Variants in MIA2 observed in about 807,000 individuals in gnomAD.
The protein encoded by MIA2 is melanoma inhibitory activity protein 2.
In MIA2, 127 loss-of-function variants were observed where a neutral mutation model predicts 167.8. The observed-to-expected ratio is 0.76, with a 90% CI of 0.66 to 0.88. The LOEUF is 0.88. Among genes scored for constraint, MIA2 ranks in the 40% least tolerant of loss-of-function variants. The probability of loss-of-function intolerance (pLI) is 0.00; values close to 1 mark genes in which losing one functional copy is unlikely to be tolerated. For synonymous variants in MIA2, 552 were observed against 541.9 expected (o/e 1.02, Z -0.26); for missense variants, 1,690 against 1,624.7 (o/e 1.04, Z -0.69).
At chr14:39,274,719 C>T (rs945280974) in intron 6 of MIA2, among the ~76,000 whole-genome samples, 2 of 151,624 alleles carry the variant, frequency 1.3e-5, no homozygotes, top group South Asian at 2.1e-4. Flanking sequence ...AGCCACCGTG[C>T]GTGGCCAAGA....
intron 9 of MIA2, among the ~76,000 whole-genome samples, chr14:39,286,491 A>G (rs1036095770): frequency 1.3e-5 from 2 of 152,158 alleles, no homozygotes; most frequent in Non-Finnish European, 2.9e-5. Flanking sequence ...GTTTTTGGCT[A>G]GGTCGTTATT....
chr14:39,240,132 T>C (rs2053973176), intron 2 of MIA2, among the ~76,000 whole-genome samples: 2 of 152,178 alleles, frequency 1.3e-5, no homozygotes, highest in South Asian at 4.1e-4. Flanking sequence ...CTTCAGAGTT[T>C]AAACCGCCTG....
At chr14:39,243,683 C>T (rs934014796) in intron 3 of MIA2, among the ~76,000 whole-genome samples, 38 of 152,028 alleles carry the variant, frequency 2.5e-4, no homozygotes, top group Non-Finnish European at 4.0e-4. Flanking sequence ...CTGACCAATA[C>T]GGTGAAACCA....
At position 39,247,307 on chromosome 14, in the gene MIA2, C is replaced by T. The variant is rs1386828379; in HGVS notation, c.733C>T (p.Pro245Ser). 1.2e-5 allele frequency: 20 copies of T among 1,613,840 alleles called. No homozygotes were observed. Among genetic ancestry groups the T allele is most frequent in the Non-Finnish European group, 1.7e-5 (20 of 1,179,926 alleles). The change falls in exon 4 of 29, where the codon CCT becomes TCT. Residue 245 changes from proline to serine, a missense_variant. Pro to Ser is a moderately conservative substitution (Grantham distance 74). Transcript: ENST00000640607. Reference sequence around the variant, plus strand: ...GAAGGCTTTTGAATCAGTTATTGAACCTGTACAAGAAAGCTCATTTCGGAG... The same window carrying T: ...GAAGGCTTTTGAATCAGTTATTGAATCTGTACAAGAAAGCTCATTTCGGAG... ...EEKAFESVIE[P>S]VQESSFRSRK... is the part of the protein sequence containing the mutation.
chr14:39,277,176 G>T (rs1293290258), intron 7 of MIA2, 111 bp downstream of exon 7: 2 of 1,363,708 alleles, frequency 1.5e-6, no homozygotes, highest in Non-Finnish European at 9.8e-7. Flanking sequence ...ACTACATAGG[G>T]ATTCAGAGGT....
At chr14:39,334,139 TTC>T (rs2069675667) in intron 25 of MIA2, among the ~76,000 whole-genome samples, 1 of 151,334 alleles carries the variant, frequency 6.6e-6, no homozygotes, top group African/African-American at 2.5e-5. Context: ...TTAAAAAATA[TTC>T]TATGTTTGCT....
chr14:39,330,737 G>A (rs2068674970), intron 25 of MIA2, among the ~76,000 whole-genome samples: 1 of 152,120 alleles, frequency 6.6e-6, no homozygotes, highest in Non-Finnish European at 1.5e-5. Context: ...TAGTCATTCA[G>A]GAGCAGGTTG....
In MIA2 at chr14:39,317,989, GA is replaced by G; in HGVS notation, c.3266del (p.Asn1089MetfsTer8). 6.3e-7 allele frequency: 1 copy of G among 1,583,416 alleles called. No individual in the cohort carries two copies. The highest frequency in any genetic ancestry group is 1.2e-5 in the South Asian group (1 of 83,170). Reference sequence around the variant, plus strand: ...AAGAAACCTCAATGATTTAAGGAAAGAAAATGCTCACAACAGACAAAAGTAA... The same window carrying G: ...AAGAAACCTCAATGATTTAAGGAAAGAAATGCTCACAACAGACAAAAGTAA... Reference protein sequence around the residue: ...AERNLNDLRKENAHNRQKLTE... With the variant: ...AERNLNDLRKXNAHNRQKLTE... On this transcript the variant is annotated frameshift_variant, in exon 22 of 29. Coordinates refer to ENST00000640607, the MANE Select transcript of MIA2 (RefSeq NM_001329214.4). LOFTEE classifies it high-confidence loss of function.
chr14:39,344,534 AAATAT>A (rs2072771375), intron 25 of MIA2, among the ~76,000 whole-genome samples: 1 of 152,182 alleles, frequency 6.6e-6, no homozygotes, highest in Non-Finnish European at 1.5e-5. Flanking sequence ...GGAGCTCATT[AAATAT>A]AATTCTCTTT....
At chr14:39,302,882 C>G (rs1468668727) in intron 15 of MIA2, among the ~76,000 whole-genome samples, 1 of 152,008 alleles carries the variant, frequency 6.6e-6, no homozygotes, top group Non-Finnish European at 1.5e-5. Context: ...CTCATTTTAC[C>G]CCAGTGGCAG....
Position 39,247,781 on chromosome 14 carries a change from G to A in MIA2, c.1207G>A (p.Glu403Lys), listed in dbSNP as rs773145091. ...DKIMLDDRKN[E>K]EDGGADEHEH... Reference sequence around the variant, plus strand: ...AATTATGTTAGATGACAGGAAAAATGAAGAAGATGGTGGGGCAGATGAACA... The same window carrying A: ...AATTATGTTAGATGACAGGAAAAATAAAGAAGATGGTGGGGCAGATGAACA... Residue 403 changes from glutamate to lysine, a missense_variant, in exon 4 of 29, where the codon GAA (glutamate) becomes AAA (lysine). Glu to Lys is a moderately conservative substitution (Grantham distance 56). Transcript: ENST00000640607. 6 of 1,613,534 alleles carry A rather than the reference G, an allele frequency of 3.7e-6. No individual in the cohort carries two copies. The highest frequency in any genetic ancestry group is 2.2e-5 in the East Asian group (1 of 44,866).
chr14:39,266,210 T>G (rs1229600645), intron 6 of MIA2: 1 of 985,394 alleles, frequency 1.0e-6, no homozygotes, highest in Non-Finnish European at 1.2e-6. Flanking sequence ...CCAAAGTACT[T>G]GAGTGAGAAG....
At chr14:39,386,082 C>T (rs764760649) in intron 23 of MIA2, 90 of 1,273,652 alleles carry the variant, frequency 7.1e-5, no homozygotes, top group Middle Eastern at 1.9e-4. Context: ...TTAAGAAACC[C>T]GCAGCACACT....
intron 17 of MIA2, among the ~76,000 whole-genome samples, chr14:39,306,769 C>T (rs549875286): frequency 3.3e-5 from 5 of 152,192 alleles, no homozygotes; most frequent in East Asian, 1.9e-4. Context: ...TTCATATACA[C>T]GTTACAGGAG....
intron 25 of MIA2, among the ~76,000 whole-genome samples, chr14:39,334,443 C>G (rs750877086): frequency 1.3e-5 from 2 of 150,600 alleles, no homozygotes; most frequent in African/African-American, 2.4e-5. Flanking sequence ...CCACTGCACT[C>G]TAGTCTGGCA....
At chr14:39,379,173 G>A (rs886512662) in intron 23 of MIA2, among the ~76,000 whole-genome samples, 1 of 151,462 alleles carries the variant, frequency 6.6e-6, no homozygotes, top group South Asian at 2.1e-4. Context: ...GTGGGTTAAT[G>A]CTCCAAGAAA....
intron 1 of MIA2, among the ~76,000 whole-genome samples, chr14:39,234,446 T>A (rs1318975550): frequency 1.3e-5 from 2 of 152,164 alleles, no homozygotes; most frequent in Non-Finnish European, 2.9e-5. Context: ...CAGTCTGCTA[T>A]AGAAATATAT....
intron 24 of MIA2, among the ~76,000 whole-genome samples, chr14:39,323,417 C>T (rs186685369): frequency 1.3e-5 from 2 of 152,186 alleles, no homozygotes; most frequent in African/African-American, 2.4e-5. Flanking sequence ...GACATGTCTG[C>T]TGCAAGCTTA....
intron 13 of MIA2, among the ~76,000 whole-genome samples, chr14:39,298,523 G>C (rs2061826478): frequency 7.8e-5 from 1 of 12,802 alleles, no homozygotes; most frequent in Non-Finnish European, 1.5e-4. Context: ...CTGTTTGGTA[G>C]AACAGAGTTT....
Sources: gnomAD v4.1 joint callset for allele counts (sites outside exome capture counted in the v4.1 genomes callset) on GRCh38, gnomAD v4.1.1 for gene constraint, MANE v1.5 for transcripts, NCBI Gene and HGNC (gene_info 2026-07-23, HGNC 2026-07-21) for gene names.